CNBD1: variants seen among roughly 807,000 people sequenced by gnomAD.
The protein encoded by CNBD1 is cyclic nucleotide binding domain containing 1.
In CNBD1, 71 loss-of-function variants were observed where a neutral mutation model predicts 54.4. The observed-to-expected ratio is 1.30, with a 90% CI of 1.08 to 1.59. CNBD1 has a LOEUF of 1.59. CNBD1 is among the 40% of genes most tolerant of loss of function. CNBD1 has a pLI of 0.00. For synonymous variants in CNBD1, 182 were observed against 170.7 expected (o/e 1.07, Z -0.51); for missense variants, 659 against 518.0 (o/e 1.27, Z -2.64).
intron 8 of CNBD1, among the ~76,000 whole-genome samples, chr8:87,309,992 C>G (rs1337454515): frequency 6.6e-6 from 1 of 152,094 alleles, no homozygotes; most frequent in East Asian, 1.9e-4. Flanking sequence ...TTTCAAGATA[C>G]AAAATCAATG....
intron 4 of CNBD1, among the ~76,000 whole-genome samples, chr8:86,977,236 G>T (rs576985668): frequency 6.6e-6 from 1 of 151,496 alleles, no homozygotes; most frequent in East Asian, 1.9e-4. Flanking sequence ...TCCTGGATCT[G>T]GATTTCTATT....
chr8:87,371,977 G>T lies in CNBD1; in HGVS notation c.1304-10643G>T, dbSNP rs531102275. On this transcript the variant is annotated intron_variant, in intron 10 of 10. Transcript: ENST00000518476. ...ACTCCTATTCAACATAGTGTTGGAA[G>T]TTCTGGCCAGGGCAATTAGGCAGGA... Among the ~76,000 whole-genome samples, 569 of 151,950 alleles carry T rather than the reference G, an allele frequency of 3.7e-3. 6 individuals carry two copies. The highest frequency in any genetic ancestry group is 0.013 in the African/African-American group (553 of 41,396).
downstream of CNBD1, among the ~76,000 whole-genome samples, chr8:87,384,524 G>A (rs1563580716): frequency 1.3e-5 from 2 of 152,048 alleles, no homozygotes; most frequent in South Asian, 2.1e-4. Context: ...CAGTTTGAAT[G>A]TTGATTCAGT....
intron 4 of CNBD1, among the ~76,000 whole-genome samples, chr8:86,951,576 T>A (rs1807623186): frequency 4.1e-5 from 1 of 24,500 alleles, no homozygotes. Flanking sequence ...CGAGGCTCCG[T>A]CTCACAAAAA....
chr8:87,225,847 T>G (rs1264601663), intron 5 of CNBD1, among the ~76,000 whole-genome samples: 1 of 145,686 alleles, frequency 6.9e-6, no homozygotes, highest in East Asian at 1.9e-4. Context: ...CTGGTAGAAT[T>G]CAGCTGTGAA....
intron 10 of CNBD1, among the ~76,000 whole-genome samples, chr8:87,379,855 G>A (rs992607110): frequency 1.3e-5 from 2 of 151,882 alleles, no homozygotes; most frequent in Non-Finnish European, 2.9e-5. Flanking sequence ...ACATTATCTA[G>A]AGCTTAGTAG....
intron 4 of CNBD1, among the ~76,000 whole-genome samples, chr8:86,961,396 C>G (rs1031955071): frequency 2.0e-5 from 3 of 152,212 alleles, no homozygotes; most frequent in Non-Finnish European, 2.9e-5. Flanking sequence ...TTAAAACAGG[C>G]CCCCTGCTTA....
At chr8:87,112,218 T>A (rs978976463) in intron 4 of CNBD1, among the ~76,000 whole-genome samples, 1 of 152,184 alleles carries the variant, frequency 6.6e-6, no homozygotes, top group African/African-American at 2.4e-5. Context: ...CTGAGCTTCT[T>A]ATGGAGCATT....
At chr8:87,161,061 C>A (rs1415450059) in intron 4 of CNBD1, among the ~76,000 whole-genome samples, 1 of 152,028 alleles carries the variant, frequency 6.6e-6, no homozygotes, top group Admixed American at 6.6e-5. Flanking sequence ...TCTTGTGTGA[C>A]AGATTAGAGA....
Position 86,905,187 on chromosome 8 carries a change from G to C in CNBD1, c.265G>C (p.Glu89Gln). Residue 89 changes from glutamate to glutamine, a missense_variant, in exon 3 of 11, where the codon GAA (glutamate) becomes CAA (glutamine). Physicochemically the swap from Glu to Gln is conservative, Grantham distance 29. Transcript: ENST00000518476. The part of the protein sequence containing the change: ...PRLPKLFKQE[E>Q]QRELNEGKEE... ...ACTTCCTAAACTTTTCAAACAGGAG[G>C]AACAAAGGTAATGATACCTTCTTTT... 6.3e-7 allele frequency: 1 copy of C among 1,583,794 alleles called. No individual in the cohort carries two copies. The highest frequency in any genetic ancestry group is 8.7e-7 in the Non-Finnish European group (1 of 1,153,534).
intron 4 of CNBD1, among the ~76,000 whole-genome samples, chr8:87,032,149 T>C (rs1274435910): frequency 6.6e-6 from 1 of 152,228 alleles, no homozygotes; most frequent in East Asian, 1.9e-4. Context: ...CATTTAATGG[T>C]ATGGATCTTG....
intron 3 of CNBD1, among the ~76,000 whole-genome samples, chr8:86,935,004 G>C (rs1156945157): frequency 6.7e-6 from 1 of 150,246 alleles, no homozygotes. Context: ...GAAGCATTTG[G>C]GTTTGTTTGT....
chr8:87,254,585 AG>A (rs1807974796), intron 6 of CNBD1, among the ~76,000 whole-genome samples: 1 of 152,192 alleles, frequency 6.6e-6, no homozygotes, highest in African/African-American at 2.4e-5. Flanking sequence ...ATGCATGTAG[AG>A]GGATGGTGCT....
At chr8:87,079,130 G>A (rs1011530021) in intron 4 of CNBD1, among the ~76,000 whole-genome samples, 4 of 151,638 alleles carry the variant, frequency 2.6e-5, no homozygotes, top group Non-Finnish European at 5.9e-5. Flanking sequence ...ATTTCACAGT[G>A]TCTAGTTTTT....
At chr8:87,222,515 G>T (rs1419921579) in intron 5 of CNBD1, among the ~76,000 whole-genome samples, 1 of 152,122 alleles carries the variant, frequency 6.6e-6, no homozygotes, top group South Asian at 2.1e-4. Context: ...GTCAGAAAAG[G>T]CTTCCCTGGT....
intron 3 of CNBD1, among the ~76,000 whole-genome samples, chr8:86,931,536 C>A (rs943968743): frequency 3.3e-5 from 5 of 152,122 alleles, no homozygotes; most frequent in African/African-American, 1.2e-4. Flanking sequence ...AGGTGATTGG[C>A]CTACTCCGTT....
chr8:87,025,715 A>G (rs543843890), intron 4 of CNBD1, among the ~76,000 whole-genome samples: 2 of 152,348 alleles, frequency 1.3e-5, no homozygotes, highest in South Asian at 4.1e-4. Context: ...AAGAGCTGTA[A>G]CACTCACTGT....
intron 8 of CNBD1, among the ~76,000 whole-genome samples, chr8:87,305,319 A>G (rs150530729): frequency 2.2e-4 from 34 of 152,310 alleles, no homozygotes; most frequent in African/African-American, 7.9e-4. Context: ...TATTGTGAAA[A>G]TGACCATATT....
intron 4 of CNBD1, among the ~76,000 whole-genome samples, chr8:87,183,383 TTG>T (rs1554564441): frequency 6.3e-5 from 5 of 78,842 alleles, no homozygotes; most frequent in African/African-American, 2.0e-4. Context: ...TTTGCGCTGT[TTG>T]TTTTTTTTTT....
Sources: gnomAD v4.1 joint callset for allele counts (sites outside exome capture counted in the v4.1 genomes callset) on GRCh38, gnomAD v4.1.1 for gene constraint, MANE v1.5 for transcripts, NCBI Gene and HGNC (gene_info 2026-07-23, HGNC 2026-07-21) for gene names.